The following CYP4X1 variants were observed in gnomAD, a reference collection of about 807,000 sequenced individuals.
The protein encoded by CYP4X1 is cytochrome P450 family 4 subfamily X member 1.
In CYP4X1, 44 loss-of-function variants were observed where a neutral mutation model predicts 57.9. That is an observed-to-expected ratio of 0.76 (90% confidence interval 0.60 to 0.98). The LOEUF (loss-of-function observed/expected upper bound fraction) is 0.98. CYP4X1 is among the 50% of genes least tolerant of loss of function. CYP4X1 has a pLI of 0.00. For synonymous variants in CYP4X1, 227 were observed against 228.6 expected, an observed-to-expected ratio of 0.99 and a Z score of 0.06; for missense variants, 532 against 623.9, an observed-to-expected ratio of 0.85 and a Z score of 1.57.
chr1:47,000,429 A>G, the CYP4X1 span, among the ~76,000 whole-genome samples: 1 of 152,170 alleles, frequency 6.6e-6, no homozygotes, highest in East Asian at 1.9e-4. Context: ...TGAAAGGCCT[A>G]TGGGATGGAC....
intron 6 of CYP4X1, among the ~76,000 whole-genome samples, chr1:47,037,016 A>G (rs1644191151): frequency 6.6e-6 from 1 of 152,194 alleles, no homozygotes; most frequent in South Asian, 2.1e-4. Flanking sequence ...CAGGTTATAA[A>G]CAATTTAAGG....
chr1:46,993,609 T>C, the CYP4X1 span, among the ~76,000 whole-genome samples: 2 of 152,228 alleles, frequency 1.3e-5, no homozygotes, highest in Non-Finnish European at 2.9e-5. Flanking sequence ...TTCCTGACTT[T>C]TTAATGATTG....
chr1:47,023,126 T>C (rs548309404), upstream of CYP4X1, among the ~76,000 whole-genome samples: 2 of 152,342 alleles, frequency 1.3e-5, no homozygotes, highest in Admixed American at 1.3e-4. Flanking sequence ...AATAAAGTTT[T>C]TATCCCGCAT....
At chr1:46,975,387 T>G in the CYP4X1 span, among the ~76,000 whole-genome samples, 1 of 151,632 alleles carries the variant, frequency 6.6e-6, no homozygotes, top group Admixed American at 6.5e-5. Flanking sequence ...AGTGCTTACT[T>G]TCCTGAGAAG....
At chr1:46,974,798 TC>T in the CYP4X1 span, among the ~76,000 whole-genome samples, 1 of 152,180 alleles carries the variant, frequency 6.6e-6, no homozygotes, top group African/African-American at 2.4e-5. Flanking sequence ...TCTTTCTCCA[TC>T]CCTTTTCTTT....
At position 47,046,114 on chromosome 1, in the gene CYP4X1, T is replaced by A. The variant is rs554392309; in HGVS notation, c.1074-353T>A. Among the ~76,000 whole-genome samples the A allele has an allele frequency of 3.3e-5, 5 of 152,328 alleles. No individual in the cohort carries two copies. In the East Asian group the frequency reaches 5.8e-4, roughly 18 times the overall value. ...ACAACACTTTAAATAATTTTTTCTC[T>A]CAAAATTCTTAAGCCTCTCCTCTTT... On this transcript the variant is annotated intron_variant, in intron 8 of 11. Coordinates refer to ENST00000371901, the MANE Select transcript of CYP4X1 (RefSeq NM_178033.2).
the CYP4X1 span, chr1:47,003,228 A>C: frequency 1.3e-5 from 2 of 152,214 alleles, no homozygotes; most frequent in Admixed American, 1.3e-4. Flanking sequence ...AGTAAAGGGC[A>C]ATTGATCACA....
the CYP4X1 span, chr1:46,967,883 A>G: frequency 2.2e-6 from 2 of 889,502 alleles, no homozygotes; most frequent in South Asian, 3.5e-5. Flanking sequence ...AGCCAGGCAG[A>G]CAGTGAATTG....
intron 8 of CYP4X1, among the ~76,000 whole-genome samples, chr1:47,045,952 G>C (rs575189694): frequency 6.6e-6 from 1 of 152,276 alleles, no homozygotes; most frequent in Non-Finnish European, 1.5e-5. Context: ...TCTGTTCTGA[G>C]TTATAGCCTT....
chr1:46,962,195 C>T, the CYP4X1 span, among the ~76,000 whole-genome samples: 2 of 152,126 alleles, frequency 1.3e-5, no homozygotes, highest in Admixed American at 1.3e-4. Flanking sequence ...TAGCTCACTG[C>T]AGCCTCCGCC....
intron 8 of CYP4X1, among the ~76,000 whole-genome samples, chr1:47,045,536 T>C (rs1021983628): frequency 2.0e-5 from 3 of 152,194 alleles, no homozygotes; most frequent in Non-Finnish European, 4.4e-5. Context: ...AGCTCTTCTT[T>C]CCATCCCAGC....
the CYP4X1 span, among the ~76,000 whole-genome samples, chr1:47,001,920 C>T: frequency 6.6e-6 from 1 of 152,238 alleles, no homozygotes; most frequent in African/African-American, 2.4e-5. Context: ...AACATCCTCC[C>T]TCCACCTCTG....
intron 1 of CYP4X1, among the ~76,000 whole-genome samples, chr1:47,025,234 CTT>C (rs911842522): frequency 6.6e-6 from 1 of 152,170 alleles, no homozygotes; most frequent in African/African-American, 2.4e-5. Flanking sequence ...TCCCCTCTCT[CTT>C]CCTGTCTCTC....
At chr1:47,052,063 C>A (rs975447352), downstream of CYP4X1, among the ~76,000 whole-genome samples, 5 of 152,106 alleles carry the variant, frequency 3.3e-5, no homozygotes, top group Non-Finnish European at 7.4e-5. Flanking sequence ...TATTCAATTT[C>A]ATTATCTTCT....
At chr1:46,988,798 T>C in the CYP4X1 span, among the ~76,000 whole-genome samples, 1 of 151,916 alleles carries the variant, frequency 6.6e-6, no homozygotes, top group Non-Finnish European at 1.5e-5. Context: ...TGATTATTTA[T>C]CTCAATAGAT....
chr1:46,986,952 A>G, the CYP4X1 span, among the ~76,000 whole-genome samples: 2 of 152,238 alleles, frequency 1.3e-5, no homozygotes, highest in Non-Finnish European at 2.9e-5. Context: ...AATTGATACT[A>G]TGAAGAAACT....
At chr1:46,986,714 A>G in the CYP4X1 span, among the ~76,000 whole-genome samples, 2 of 152,232 alleles carry the variant, frequency 1.3e-5, no homozygotes, top group Admixed American at 1.3e-4. Context: ...GCTAGAAGAA[A>G]GTGGGGGCCA....
the CYP4X1 span, among the ~76,000 whole-genome samples, chr1:46,993,758 C>A: frequency 2.6e-5 from 4 of 152,090 alleles, no homozygotes; most frequent in Admixed American, 6.6e-5. Flanking sequence ...ATATCCTTTG[C>A]CCACTTTTTG....
At chr1:46,962,370 G>A in the CYP4X1 span, among the ~76,000 whole-genome samples, 1 of 152,058 alleles carries the variant, frequency 6.6e-6, no homozygotes, top group Admixed American at 6.5e-5. Context: ...TGCCCACCTC[G>A]GTCTCCCAAA....
Sources: gnomAD v4.1 joint callset for allele counts (sites outside exome capture counted in the v4.1 genomes callset) on GRCh38, gnomAD v4.1.1 for gene constraint, MANE v1.5 for transcripts, NCBI Gene and HGNC (gene_info 2026-07-23, HGNC 2026-07-21) for gene names.